SORT1: variants seen among roughly 807,000 people sequenced by gnomAD.
SORT1 encodes sortilin 1, also known as sortilin.
Under a neutral mutation model 101.7 loss-of-function variants are expected in SORT1, and 39 were observed. The ratio of observed to expected loss-of-function variants is 0.38; its 90% CI spans 0.30 to 0.50. SORT1 has a LOEUF of 0.50. Among genes scored for constraint, SORT1 ranks in the 20% least tolerant of loss-of-function variants. The probability of loss-of-function intolerance (pLI) is 0.90; values close to 1 mark genes in which losing one functional copy is unlikely to be tolerated. For synonymous variants in SORT1, 396 were observed against 393.7 expected, an observed-to-expected ratio of 1.01 and a Z score of -0.07; for missense variants, 878 against 1,040.4, an observed-to-expected ratio of 0.84 and a Z score of 2.15.
chr1:109,389,417 T>C (rs1488825936), intron 1 of SORT1, among the ~76,000 whole-genome samples: 1 of 152,144 alleles, frequency 6.6e-6, no homozygotes, highest in Non-Finnish European at 1.5e-5. Flanking sequence ...CTAAAGCAAA[T>C]GCATTGATTT....
rs1305696601 is a variant in SORT1 at position 109,312,080 on chromosome 1, TA to T, written c.*1962del. On this transcript the variant is annotated 3_prime_UTR_variant, in exon 20 of 20. Transcript: ENST00000256637. Reference sequence around the variant, plus strand: ...TGAGTTTCCTACGTCTTAAAATGAGTAAGAGGATTACCATGTATTGGTGCAT... The same window carrying T: ...TGAGTTTCCTACGTCTTAAAATGAGTAGAGGATTACCATGTATTGGTGCAT... The T allele has an allele frequency of 6.6e-6, 1 of 151,978 alleles. No individual in the cohort carries two copies. The highest frequency in any genetic ancestry group is 1.5e-5 in the Non-Finnish European group (1 of 68,018). 9.4% of individuals were successfully genotyped at this position (151,978 alleles called of 1,614,324 possible).
At chr1:109,367,508 A>G (rs757029537) in intron 2 of SORT1, 27 bp from the exon 3 acceptor site, 2 of 1,398,204 alleles carry the variant, frequency 1.4e-6, no homozygotes, top group Admixed American at 3.5e-5. Context: ...GCATTCCGTA[A>G]ATAAAAAAGA....
intron 10 of SORT1, among the ~76,000 whole-genome samples, chr1:109,339,811 A>T (rs1360582441): frequency 6.6e-6 from 1 of 152,234 alleles, no homozygotes; most frequent in Non-Finnish European, 1.5e-5. Flanking sequence ...TTCAGTATTC[A>T]TAAGAGCTGA....
intron 15 of SORT1, among the ~76,000 whole-genome samples, chr1:109,321,883 C>T (rs1647657900): frequency 6.6e-6 from 1 of 152,116 alleles, no homozygotes; most frequent in Non-Finnish European, 1.5e-5. Flanking sequence ...TCAACTAACC[C>T]AATGCCAGCC....
intron 1 of SORT1, among the ~76,000 whole-genome samples, chr1:109,394,732 G>A (rs1046299964): frequency 3.3e-5 from 5 of 152,122 alleles, no homozygotes; most frequent in African/African-American, 1.2e-4. Flanking sequence ...CTAGGCATTT[G>A]GAGGGCATTC....
intron 3 of SORT1, among the ~76,000 whole-genome samples, chr1:109,358,565 A>C (rs971250560): frequency 6.6e-6 from 1 of 152,240 alleles, no homozygotes; most frequent in African/African-American, 2.4e-5. Flanking sequence ...TTTAGAAACA[A>C]GTCTTTTTGG....
At chr1:109,340,667 C>T (rs2101579699) in intron 10 of SORT1, 57 bp downstream of exon 10, 2 of 1,589,154 alleles carry the variant, frequency 1.3e-6, no homozygotes, top group Non-Finnish European at 1.7e-6. Flanking sequence ...CCCGAAGCCT[C>T]AAATCCTACC....
At chr1:109,351,127 C>A (rs1192127500) in intron 5 of SORT1, 125 bp from the exon 6 acceptor site, 4 of 739,154 alleles carry the variant, frequency 5.4e-6, no homozygotes, top group Non-Finnish European at 9.7e-6. Flanking sequence ...TCCATCAGAG[C>A]TGCCCGAGCT....
chr1:109,393,158 GCAAA>G, intron 1 of SORT1: 12 of 985,436 alleles, frequency 1.2e-5, no homozygotes, highest in Non-Finnish European at 1.4e-5. Flanking sequence ...GCCAGAGCCA[GCAAA>G]CAAACACACG....
chr1:109,322,967 G>T lies in SORT1; in HGVS notation c.1989C>A (p.Pro663=), dbSNP rs764873434. Residue 663 remains proline, a synonymous_variant, in exon 15 of 20, where the codon CCC becomes CCA. Transcript: ENST00000256637. ...CCTCCAGGGAACAGAGGCAGATGGA[G>T]GGCTGCTTGGTCACAACATAGTCTC... is the stretch of plus-strand genomic sequence containing the variant. ...NGRDYVVTKQ[P]SICLCSLEDF... 3.1e-6 allele frequency: 5 copies of T among 1,614,008 alleles called. No homozygotes were observed. The Admixed American group carries it at 8.3e-5, about 27-fold the overall frequency.
chr1:109,317,033 G>C, intron 16 of SORT1, 75 bp from the exon 17 acceptor site: 1 of 975,454 alleles, frequency 1.0e-6, no homozygotes, highest in South Asian at 1.5e-5. Flanking sequence ...TTGGAAACAA[G>C]ATTTGAAAAG....
intron 11 of SORT1, among the ~76,000 whole-genome samples, chr1:109,334,640 T>C (rs915018071): frequency 2.6e-5 from 4 of 152,194 alleles, no homozygotes; most frequent in Non-Finnish European, 5.9e-5. Flanking sequence ...GTATTGTTAC[T>C]TGAAGTTTGC....
intron 1 of SORT1, among the ~76,000 whole-genome samples, chr1:109,385,517 A>G (rs1267754258): frequency 1.3e-5 from 2 of 152,216 alleles, no homozygotes; most frequent in African/African-American, 4.8e-5. Context: ...GTTATATCTT[A>G]GTTCATTTTA....
chr1:109,326,766 G>A (rs1267092689), intron 13 of SORT1: 1 of 389,588 alleles, frequency 2.6e-6, no homozygotes, highest in Non-Finnish European at 4.6e-6. Context: ...CAGAAAGAAT[G>A]TTTTTAAGAA....
At chr1:109,326,959 C>A in intron 13 of SORT1, 33 bp downstream of exon 13, 1 of 1,546,162 alleles carries the variant, frequency 6.5e-7, no homozygotes, top group Non-Finnish European at 8.8e-7. Flanking sequence ...GCCCTCTATG[C>A]AGACAGTGTG....
chr1:109,334,929 A>C (rs1430638438), intron 11 of SORT1, among the ~76,000 whole-genome samples: 1 of 152,170 alleles, frequency 6.6e-6, no homozygotes, highest in Non-Finnish European at 1.5e-5. Context: ...TAAATATTAT[A>C]TTATGTATAT....
chr1:109,354,813 T>C (rs972715054), intron 4 of SORT1, among the ~76,000 whole-genome samples: 10 of 152,226 alleles, frequency 6.6e-5, no homozygotes, highest in Admixed American at 5.9e-4. Flanking sequence ...ATAGGTTATA[T>C]ACATTGTAAT....
intron 11 of SORT1, among the ~76,000 whole-genome samples, chr1:109,335,560 G>C (rs770847226): frequency 3.3e-5 from 5 of 152,132 alleles, no homozygotes; most frequent in Non-Finnish European, 5.9e-5. Flanking sequence ...CAGATACTAA[G>C]GAGGGTTCGG....
chr1:109,332,285 A>G (rs1224411820), intron 11 of SORT1, among the ~76,000 whole-genome samples: 1 of 152,192 alleles, frequency 6.6e-6, no homozygotes, highest in Non-Finnish European at 1.5e-5. Flanking sequence ...TAGGTACTTA[A>G]GGTACATCAA....
Sources: gnomAD v4.1 joint callset for allele counts (sites outside exome capture counted in the v4.1 genomes callset) on GRCh38, gnomAD v4.1.1 for gene constraint, MANE v1.5 for transcripts, NCBI Gene and HGNC (gene_info 2026-07-23, HGNC 2026-07-21) for gene names.